CYP4F11: variants seen among roughly 807,000 people sequenced by gnomAD.
The protein encoded by CYP4F11 is cytochrome P450 4F11.
Under a neutral mutation model 62.2 loss-of-function variants are expected in CYP4F11, and 79 were observed. The ratio of observed to expected loss-of-function variants is 1.27; its 90% CI spans 1.06 to 1.53. CYP4F11 has a LOEUF of 1.53. CYP4F11 is among the 40% of genes most tolerant of loss of function. The probability of loss-of-function intolerance (pLI) is 0.00; values close to 1 mark genes in which losing one functional copy is unlikely to be tolerated. For missense variants in CYP4F11, 777 were observed against 680.5 expected (o/e 1.14, Z -1.58); for synonymous variants, 290 against 263.7 (o/e 1.10, Z -0.97).
In CYP4F11 at chr19:15,912,680, A is replaced by AAAAAAATATATATAT. The variant is rs59091525; in HGVS notation, c.*1051_*1052insATATATATATTTTTT. On this transcript the variant is annotated 3_prime_UTR_variant, in exon 12 of 12. Coordinates refer to ENST00000402119, the MANE Select transcript of CYP4F11 (RefSeq NM_021187.4). ...TCACCATCCTCAGGAAAAAAAAAAA[A>AAAAAAATATATATAT]ATATATATATATATATATGTGTGTG... 1 of 66,174 alleles carries AAAAAAATATATATAT rather than the reference A, an allele frequency of 1.5e-5. No homozygotes were observed. The highest frequency in any genetic ancestry group is 6.4e-5 in the African/African-American group (1 of 15,512). The allele number at this position is 66,174 out of a possible 1,614,324, so 4.1% of individuals were successfully genotyped here.
intron 1 of CYP4F11, among the ~76,000 whole-genome samples, chr19:15,931,603 A>G (rs867984331): frequency 0.06 from 3,766 of 62,648 alleles, 120 homozygotes; most frequent in South Asian, 0.069. Flanking sequence ...TGAGTGAGTG[A>G]GGAGAGGAAT....
intron 4 of CYP4F11, among the ~76,000 whole-genome samples, chr19:15,926,869 T>G (rs1385546183): frequency 3.0e-5 from 2 of 65,704 alleles, no homozygotes; most frequent in Non-Finnish European, 7.9e-5. Flanking sequence ...CACACACTTG[T>G]TAAGTATAAT....
chr19:15,926,261 C>A (rs60182487), intron 4 of CYP4F11, among the ~76,000 whole-genome samples: 2,373 of 152,162 alleles, frequency 0.016, 44 homozygotes, highest in African/African-American at 0.053. Context: ...CTCTATGGCA[C>A]CCCGTGGGAT....
intron 1 of CYP4F11, among the ~76,000 whole-genome samples, chr19:15,930,673 G>A (rs910107572): frequency 3.3e-5 from 5 of 152,172 alleles, no homozygotes; most frequent in African/African-American, 1.2e-4. Context: ...AAGAGGATGT[G>A]TTTTCTCGTC....
At chr19:15,922,486 C>G in intron 6 of CYP4F11, 56 bp from the exon 7 acceptor site, 2 of 1,565,680 alleles carry the variant, frequency 1.3e-6, no homozygotes, top group Middle Eastern at 1.7e-4. Context: ...TCTGAAGGCT[C>G]TTGAGTCAAA....
intron 8 of CYP4F11, among the ~76,000 whole-genome samples, chr19:15,918,736 CTAG>C (rs1167880928): frequency 6.6e-6 from 1 of 152,042 alleles, no homozygotes; most frequent in Non-Finnish European, 1.5e-5. Context: ...CAACAGAATG[CTAG>C]TACCATAGAA....
Position 15,934,384 on chromosome 19 carries a change from G to C in CYP4F11, c.25C>G (p.Leu9Val). MPQLSLSWLGLGPVAASPW... is the reference protein window; with the variant it reads MPQLSLSWVGLGPVAASPW... ...GATGCTGCCACGGGCCCGAGGCCCA[G>C]CCAGGACAGGCTCAGCTGCGGCATC... Residue 9 changes from leucine to valine, a missense_variant, in exon 1 of 12, where the codon CTG (leucine) becomes GTG (valine). Coordinates refer to ENST00000402119, the MANE Select transcript of CYP4F11 (RefSeq NM_021187.4). The C allele has an allele frequency of 6.2e-7, 1 of 1,613,338 alleles. No individual in the cohort carries two copies. The highest frequency in any genetic ancestry group is 8.5e-7 in the Non-Finnish European group (1 of 1,179,690).
In CYP4F11 at chr19:15,927,263, G is replaced by A. The variant is rs752047374; in HGVS notation, c.474C>T (p.Asn158=). 11 of 1,614,042 alleles carry A rather than the reference G, an allele frequency of 6.8e-6. No homozygotes were observed. The Middle Eastern group carries it at 4.9e-4, about 72-fold the overall frequency. Residue 158 remains asparagine, a synonymous_variant, in exon 4 of 12, where the codon AAC becomes AAT. Coordinates refer to ENST00000402119, the MANE Select transcript of CYP4F11 (RefSeq NM_021187.4). ...AAATCTTCATATAAGGCTTCAAGAT[G>A]TTGAAATGGAAGGCAGGCGTCAACA... is the stretch of plus-strand genomic sequence containing the variant. ...RRMLTPAFHF[N]ILKPYMKIFN...
At chr19:15,927,119 G>T in intron 4 of CYP4F11, 93 bp downstream of exon 4, 1 of 1,414,340 alleles carries the variant, frequency 7.1e-7, no homozygotes, top group Non-Finnish European at 9.7e-7. Context: ...GAAGAGCATT[G>T]TCCCCAAAGC....
intron 8 of CYP4F11, among the ~76,000 whole-genome samples, chr19:15,919,765 G>A (rs907091316): frequency 4.6e-5 from 7 of 152,116 alleles, no homozygotes; most frequent in Non-Finnish European, 7.4e-5. Context: ...GAATCCTGTC[G>A]TTGGTGACAA....
Position 15,913,913 on chromosome 19 carries a change from G to A in CYP4F11, c.1398-4C>T, listed in dbSNP as rs1454182436. 1 of 1,609,156 alleles carries A rather than the reference G, an allele frequency of 6.2e-7. No individual in the cohort carries two copies. The highest frequency in any genetic ancestry group is 8.5e-7 in the Non-Finnish European group (1 of 1,177,720). On this transcript the variant is annotated splice_polypyrimidine_tract_variant and splice_region_variant and intron_variant, in intron 11 of 11. Transcript: ENST00000402119. ...GAACGCCTGCCCGATGCAGTTTCTGGGGGCAAAAGTGAGGGAATCTGACTG... is the reference window on the plus strand; with the variant it reads ...GAACGCCTGCCCGATGCAGTTTCTGAGGGCAAAAGTGAGGGAATCTGACTG...
intron 8 of CYP4F11, among the ~76,000 whole-genome samples, chr19:15,920,496 T>C (rs2089617371): frequency 6.6e-6 from 1 of 152,222 alleles, no homozygotes; most frequent in African/African-American, 2.4e-5. Flanking sequence ...AAACAATGTG[T>C]AATTTTGCTT....
At chr19:15,921,872 C>G (rs1449277831) in intron 8 of CYP4F11, among the ~76,000 whole-genome samples, 165 bp downstream of exon 8, 1 of 152,166 alleles carries the variant, frequency 6.6e-6, no homozygotes, top group Non-Finnish European at 1.5e-5. Flanking sequence ...GCCTGCAAAC[C>G]ATCCCCTGCT....
intron 8 of CYP4F11, among the ~76,000 whole-genome samples, chr19:15,916,775 G>A (rs944969888): frequency 6.6e-6 from 1 of 151,862 alleles, no homozygotes; most frequent in African/African-American, 2.4e-5. Context: ...AAAAACAATA[G>A]ATTTTGGTGT....
At position 15,929,537 on chromosome 19, in the gene CYP4F11, A is replaced by T; in HGVS notation, c.263T>A (p.Phe88Tyr). 1 of 1,614,046 alleles carries T rather than the reference A, an allele frequency of 6.2e-7. No homozygotes were observed. The highest frequency in any genetic ancestry group is 8.5e-7 in the Non-Finnish European group (1 of 1,179,948). ...GAAGGTAGGACCCAGCCACAACTTA[A>T]AGCCCTGGGGATATGTGGTCACCAG... ...TQLVTTYPQG[F>Y]KLWLGPTFPL... The change falls in exon 2 of 12, where the codon TTT (phenylalanine) becomes TAT (tyrosine). Residue 88 changes from phenylalanine (F) to tyrosine (Y), a missense_variant. Transcript: ENST00000402119.
At chr19:15,918,135 AGGAACAT>A (rs2089596725) in intron 8 of CYP4F11, among the ~76,000 whole-genome samples, 1 of 152,224 alleles carries the variant, frequency 6.6e-6, no homozygotes. Flanking sequence ...TGTCCTTTGC[AGGAACAT>A]GGATGGAGCT....
In CYP4F11 at chr19:15,914,633, T is replaced by C; in HGVS notation, c.1283A>G (p.His428Arg). The C allele has an allele frequency of 6.2e-7, 1 of 1,614,148 alleles. No individual in the cohort carries two copies. The highest frequency in any genetic ancestry group is 8.5e-7 in the Non-Finnish European group (1 of 1,180,030). The stretch of plus-strand genomic sequence containing the variant: ...GTCTGGCCACACAGTTGGGTTGTAA[T>C]GGATCCCGATAATATTGATGAGGCA... ...IVCLINIIGI[H>R]YNPTVWPDPE... Residue 428 changes from histidine to arginine, a missense_variant, in exon 10 of 12, where the codon CAT (histidine) becomes CGT (arginine). Coordinates refer to ENST00000402119, the MANE Select transcript of CYP4F11 (RefSeq NM_021187.4).
At chr19:15,916,326 T>C (rs2089583390) in intron 8 of CYP4F11, among the ~76,000 whole-genome samples, 1 of 152,040 alleles carries the variant, frequency 6.6e-6, no homozygotes, top group East Asian at 1.9e-4. Flanking sequence ...GCTAGGTCAA[T>C]CTGAAAATAA....
rs999172429 is a variant in CYP4F11, at chr19:15,924,088, T to G, written c.648-6A>C. The G allele has an allele frequency of 3.7e-6, 6 of 1,612,142 alleles. No individual in the cohort carries two copies. The African/African-American group carries it at 8.0e-5, about 22-fold the overall frequency. On this transcript the variant is annotated splice_polypyrimidine_tract_variant and splice_region_variant and intron_variant, in intron 5 of 11. Coordinates refer to ENST00000402119, the MANE Select transcript of CYP4F11 (RefSeq NM_021187.4). The stretch of plus-strand genomic sequence containing the variant: ...CAATATATTCACTGGGCTTCCTGCA[T>G]GAAGGAGGTAACAACTTAACATATG...
Sources: allele counts gnomAD v4.1 joint callset (sites outside exome capture counted in the v4.1 genomes callset), GRCh38; gene constraint gnomAD v4.1.1; transcripts MANE v1.5; gene names NCBI Gene and HGNC (gene_info 2026-07-23, HGNC 2026-07-21).